RIF1: variants seen among roughly 807,000 people sequenced by gnomAD.
RIF1 encodes the protein telomere-associated protein RIF1.
RIF1 carries 45 observed loss-of-function variants against 247.1 expected under a neutral mutation model. The ratio of observed to expected loss-of-function variants is 0.18; its 90% CI spans 0.14 to 0.23. RIF1 has a LOEUF of 0.23. Among genes scored for constraint, RIF1 ranks in the 10% least tolerant of loss-of-function variants. The pLI, the probability that RIF1 is intolerant of heterozygous loss-of-function variation, is 1.00. For missense variants in RIF1, 2,967 were observed against 2,862.5 expected, an observed-to-expected ratio of 1.04 and a Z score of -0.83; for synonymous variants, 1,087 against 978.8, an observed-to-expected ratio of 1.11 and a Z score of -2.06.
the RIF1 span, chr2:151,516,589 A>G: frequency 6.2e-6 from 9 of 1,442,810 alleles, no homozygotes; most frequent in East Asian, 9.1e-5. Context: ...CATGTTAGAT[A>G]TCTCTCCTCT....
rs987756198 is a variant in RIF1, at chr2:151,481,449, G to C, written c.*6378G>C. On this transcript the variant is annotated 3_prime_UTR_variant, in exon 36 of 36. Coordinates refer to ENST00000444746, the MANE Select transcript of RIF1 (RefSeq NM_018151.5). ...GACCTTGATGGTCTGTGAATTATCA[G>C]TTGCTTTCTGCACTACCTCCTGTAG... is the stretch of plus-strand genomic sequence containing the variant. The C allele has an allele frequency of 6.6e-6, 1 of 152,170 alleles. No homozygotes were observed. The highest frequency in any genetic ancestry group is 1.5e-5 in the Non-Finnish European group (1 of 68,036). The allele number at this position is 152,170 out of a possible 1,614,324, so 9.4% of individuals were successfully genotyped here.
rs375867553 is a variant in RIF1, at chr2:151,457,820, T to C, written c.2712T>C (p.Tyr904=). The change falls in exon 24 of 36, where the codon TAT becomes TAC. Residue 904 remains tyrosine, a synonymous_variant. Transcript: ENST00000444746. ...ACLQFSYTGT[Y]DSELLEQLSP... ...TGCAATTCAGCTACACCGGAACTTA[T>C]GATAGTGAACTTCTTGAACAACTCT... 48 of 1,613,822 alleles carry C rather than the reference T, an allele frequency of 3.0e-5. No homozygotes were observed. Among genetic ancestry groups the C allele is most frequent in the East Asian group, 1.6e-4 (7 of 44,818 alleles).
intron 20 of RIF1, among the ~76,000 whole-genome samples, chr2:151,448,860 C>T (rs1236806151): frequency 6.6e-6 from 1 of 152,176 alleles, no homozygotes; most frequent in Non-Finnish European, 1.5e-5. Flanking sequence ...AGAAGGTTGA[C>T]CCTCAGTTAT....
In RIF1 at chr2:151,464,199, A is replaced by G. The variant is rs890592173; in HGVS notation, c.4679A>G (p.Lys1560Arg). Residue 1560 changes from lysine to arginine, a missense_variant, in exon 30 of 36, where the codon AAA becomes AGA. This residue lies in a region of RIF1 where 2,028 missense variants were observed against 1,825.6 expected (regional missense o/e 1.11). Transcript: ENST00000444746. ...TCAGAATCTGATAGTTCGGAGGCAA[A>G]AGAAGAAGGTTCTAGGAAGAAGAGA... ...ENSESDSSEAKEEGSRKKRSG... is the reference protein window; with the variant it reads ...ENSESDSSEAREEGSRKKRSG... The G allele has an allele frequency of 1.2e-6, 2 of 1,611,742 alleles. No homozygotes were observed. Among genetic ancestry groups the G allele is most frequent in the Non-Finnish European group, 1.7e-6 (2 of 1,179,584 alleles).
the RIF1 span, chr2:151,524,470 G>A: frequency 1.2e-6 from 2 of 1,612,778 alleles, no homozygotes. Context: ...GGCATGCCTT[G>A]GCAATGGCTG....
At chr2:151,446,704 A>C (rs1187281175) in intron 20 of RIF1, 129 bp downstream of exon 20, 5 of 916,894 alleles carry the variant, frequency 5.5e-6, no homozygotes, top group Non-Finnish European at 6.9e-6. Flanking sequence ...TGATACTGCA[A>C]ACAAGTATGC....
chr2:151,424,825 ATTTTTTT>A (rs71000475), intron 8 of RIF1, among the ~76,000 whole-genome samples: 22 of 47,286 alleles, frequency 4.7e-4, no homozygotes, highest in South Asian at 2.4e-3. Flanking sequence ...AGCCCGGCTG[ATTTTTTT>A]TTTTTTTTTT....
chr2:151,486,982 G>GA (rs968852196), downstream of RIF1, among the ~76,000 whole-genome samples: 1 of 152,098 alleles, frequency 6.6e-6, no homozygotes, highest in Admixed American at 6.5e-5. Flanking sequence ...GAGATGGTTG[G>GA]AAAAAAAGCT....
chr2:151,422,736 G>A (rs1688392232), intron 7 of RIF1, among the ~76,000 whole-genome samples: 1 of 151,832 alleles, frequency 6.6e-6, no homozygotes, highest in Admixed American at 6.6e-5. Context: ...CTGACTTCAA[G>A]AGTGAGGCCG....
chr2:151,444,373 G>A (rs1692877055), intron 18 of RIF1, among the ~76,000 whole-genome samples: 3 of 152,144 alleles, frequency 2.0e-5, no homozygotes, highest in South Asian at 4.1e-4. Context: ...ACAGTGGCAC[G>A]ATCTTGGCTC....
Position 151,462,230 on chromosome 2 carries a change from A to ATG in RIF1, c.3228-12_3228-11insTG. The ATG allele has an allele frequency of 6.6e-7, 1 of 1,520,670 alleles. No homozygotes were observed. Among genetic ancestry groups the ATG allele is most frequent in the East Asian group, 2.3e-5 (1 of 44,088 alleles). The allele number at this position is 1,520,670 out of a possible 1,614,324, so 94.2% of individuals were successfully genotyped here. A position where few individuals can be genotyped will look rare whatever the true frequency, so the allele number is the denominator to read the frequency against. ...CCGGTTTTTGAAGTTACTTATATAT[A>ATG]GTTTTTTTCAGGTGTGATATTCCTG... On this transcript the variant is annotated splice_polypyrimidine_tract_variant and intron_variant, in intron 27 of 35. Transcript: ENST00000444746.
rs755330103 is a variant in RIF1, at chr2:151,461,265, A to G, written c.3203A>G (p.Gln1068Arg). The G allele has an allele frequency of 3.7e-6, 6 of 1,612,776 alleles. No homozygotes were observed. The highest frequency in any genetic ancestry group is 5.1e-6 in the Non-Finnish European group (6 of 1,179,712). ...DAKERILTDH[Q>R]KEVLKTKRCD... is the part of the protein sequence containing the mutation. Reference sequence around the variant, plus strand: ...AAGGAAAGAATATTAACTGATCATCAAAAAGAAGTTCTCAAAACAAAGCGG... The same window carrying G: ...AAGGAAAGAATATTAACTGATCATCGAAAAGAAGTTCTCAAAACAAAGCGG... The change falls in exon 27 of 36, where the codon CAA becomes CGA. Residue 1068 changes from glutamine to arginine, a missense_variant. Gln to Arg is a conservative substitution (Grantham distance 43). Around this residue, in one of 7 missense-constraint regions of RIF1, gnomAD observed 2,028 missense variants for 1,825.6 expected, o/e 1.11. Transcript: ENST00000444746.
chr2:151,451,317 G>A (rs1233135428), intron 20 of RIF1, among the ~76,000 whole-genome samples: 2 of 152,154 alleles, frequency 1.3e-5, no homozygotes, highest in Non-Finnish European at 2.9e-5. Context: ...CCTAGGCTAT[G>A]TGTTTGTAGC....
At chr2:151,490,237 C>G in intron 9 of RIF1, 1 of 1,237,368 alleles carries the variant, frequency 8.1e-7, no homozygotes, top group Non-Finnish European at 1.1e-6. Flanking sequence ...CAGCCCTCCA[C>G]AATTCTAGTC....
At chr2:151,488,180 ATTC>A (rs1360814251) in intron 9 of RIF1, among the ~76,000 whole-genome samples, 1 of 151,978 alleles carries the variant, frequency 6.6e-6, no homozygotes. Flanking sequence ...AGAGTTCTTT[ATTC>A]TTTTTCAATA....
chr2:151,493,393 T>C (rs2058045789), intron 9 of RIF1: 1 of 1,612,018 alleles, frequency 6.2e-7, no homozygotes, highest in Non-Finnish European at 8.5e-7. Context: ...TCTCTCCATC[T>C]CTGGAGTAAC....
intron 18 of RIF1, among the ~76,000 whole-genome samples, chr2:151,443,960 G>T (rs1252804102): frequency 1.3e-5 from 2 of 152,248 alleles, no homozygotes; most frequent in Non-Finnish European, 2.9e-5. Flanking sequence ...GGCTCACATA[G>T]ATGTAAATTC....
intron 9 of RIF1, chr2:151,492,077 C>T (rs2057078380): frequency 6.2e-7 from 1 of 1,612,130 alleles, no homozygotes; most frequent in Non-Finnish European, 8.5e-7. Flanking sequence ...TAATCCCCTC[C>T]CCCAACCCAG....
intron 10 of RIF1, among the ~76,000 whole-genome samples, chr2:151,496,703 G>A (rs554040025): frequency 6.7e-4 from 102 of 151,684 alleles, no homozygotes; most frequent in Non-Finnish European, 1.2e-3. Flanking sequence ...CCACACAAAC[G>A]GAAAAACTCA....
Sources: allele counts gnomAD v4.1 joint callset (sites outside exome capture counted in the v4.1 genomes callset), GRCh38; gene constraint gnomAD v4.1.1; regional missense constraint gnomAD v4.1.1; transcripts MANE v1.5; gene names NCBI Gene and HGNC (gene_info 2026-07-23, HGNC 2026-07-21).